The following CEP162 variants were observed in gnomAD, a reference collection of about 807,000 sequenced individuals.
The protein encoded by CEP162 is centrosomal protein 162.
A neutral mutation model predicts 169.2 loss-of-function variants in CEP162; 141 were observed. That is an observed-to-expected ratio of 0.83 (90% CI 0.73 to 0.96). The LOEUF is 0.96. Among genes scored for constraint, CEP162 ranks in the 40% least tolerant of loss-of-function variants. The pLI is 0.00. For synonymous variants in CEP162, 540 were observed against 526.4 expected (o/e 1.03, Z -0.35); for missense variants, 1,600 against 1,587.2 (o/e 1.01, Z -0.14).
In CEP162 at chr6:84,143,440, T is replaced by G. The variant is rs568717895; in HGVS notation, c.3870+3247A>C. On this transcript the variant is annotated intron_variant, in intron 25 of 26. Coordinates refer to ENST00000403245, the MANE Select transcript of CEP162 (RefSeq NM_014895.4). ...ACTACTAAAGATAAGGGAAACAACT[T>G]TGTATGCAAAATATACAAGGAAAAT... is the stretch of plus-strand genomic sequence containing the variant. 2.0e-5 allele frequency among the ~76,000 whole-genome samples: 3 copies of G among 152,140 alleles called. No homozygotes were observed. In the East Asian group the frequency reaches 5.8e-4, roughly 29 times the overall value.
At chr6:84,132,406 G>T (rs1475722374) in intron 25 of CEP162, among the ~76,000 whole-genome samples, 2 of 152,172 alleles carry the variant, frequency 1.3e-5, no homozygotes, top group Non-Finnish European at 2.9e-5. Flanking sequence ...CTAGGCTGGG[G>T]AAGTTCTCCT....
Position 84,161,864 on chromosome 6 carries a change from T to C in CEP162, c.2558A>G (p.Gln853Arg), listed in dbSNP as rs1401393821. Residue 853 changes from glutamine (Q) to arginine (R), a missense_variant, in exon 20 of 27, where the codon CAA becomes CGA. Transcript: ENST00000403245. ...TCTTTTTTGCAGACGACTGATTTCT[T>C]GTTTATGTGTTTCTTCTAAAATTTT... ...EIKILEETHKQEISRLQKRLQ... is the reference protein window; with the variant it reads ...EIKILEETHKREISRLQKRLQ... 2 of 1,570,940 alleles carry C rather than the reference T, an allele frequency of 1.3e-6. No homozygotes were observed. Among genetic ancestry groups the C allele is most frequent in the South Asian group, 1.2e-5 (1 of 85,800 alleles).
At position 84,174,714 on chromosome 6, in the gene CEP162, A is replaced by C. The variant is rs1588794540; in HGVS notation, c.2025+13T>G. 8.5e-7 allele frequency: 1 copy of C among 1,175,408 alleles called. No individual in the cohort carries two copies. The highest frequency in any genetic ancestry group is 2.6e-5 in the East Asian group (1 of 39,144). The allele number at this position is 1,175,408 out of a possible 1,614,324, so 72.8% of individuals were successfully genotyped here. ...ATAAATATAAAAAAATACCAGAACA[A>C]TGTATCTAGTACCTTGGCTTGAAGA... On this transcript the variant is annotated intron_variant, in intron 15 of 26. Transcript: ENST00000403245.
intron 23 of CEP162, among the ~76,000 whole-genome samples, chr6:84,151,312 G>A (rs1003651587): frequency 2.0e-5 from 3 of 152,022 alleles, no homozygotes; most frequent in Non-Finnish European, 4.4e-5. Context: ...TGGGAAAATT[G>A]TATAATGGCA....
rs552071568 is a variant in CEP162, at chr6:84,185,519, T to C, written c.1402-71A>G. The stretch of plus-strand genomic sequence containing the variant: ...ACTATTGTTGTAAATGAATATTTAA[T>C]AGATGGCAAAACAATAGTGATTATC... On this transcript the variant is annotated intron_variant, in intron 12 of 26. Coordinates refer to ENST00000403245, the MANE Select transcript of CEP162 (RefSeq NM_014895.4). The C allele has an allele frequency of 7.9e-5, 103 of 1,307,094 alleles. No homozygotes were observed. The African/African-American group carries it at 1.5e-3, about 19-fold the overall frequency. 81.0% of individuals were successfully genotyped at this position (1,307,094 alleles called of 1,614,324 possible). A position where few individuals can be genotyped will look rare whatever the true frequency, so the allele number is the denominator to read the frequency against.
chr6:84,221,015 T>C, intron 3 of CEP162, 42 bp downstream of exon 3: 3 of 1,048,474 alleles, frequency 2.9e-6, no homozygotes, highest in Non-Finnish European at 3.0e-6. Flanking sequence ...GACTGACCCC[T>C]TGTGGTCAAA....
chr6:84,207,898 T>G (rs1008727639), intron 6 of CEP162, among the ~76,000 whole-genome samples: 9 of 152,202 alleles, frequency 5.9e-5, no homozygotes, highest in African/African-American at 2.2e-4. Flanking sequence ...ACCTTTAAAA[T>G]AAGACTTTAA....
At chr6:84,204,389 C>T (rs2099545904) in intron 6 of CEP162, among the ~76,000 whole-genome samples, 1 of 152,174 alleles carries the variant, frequency 6.6e-6, no homozygotes, top group African/African-American at 2.4e-5. Flanking sequence ...TCTCAGACCA[C>T]AGTGCAATCA....
intron 11 of CEP162, among the ~76,000 whole-genome samples, chr6:84,190,315 A>C (rs2099539297): frequency 6.6e-6 from 1 of 152,126 alleles, no homozygotes; most frequent in South Asian, 2.1e-4. Flanking sequence ...GCCCTGACAA[A>C]ACAGGCCACT....
At chr6:84,163,433 G>T (rs2099526527) in intron 18 of CEP162, among the ~76,000 whole-genome samples, 163 bp from the exon 19 acceptor site, 1 of 151,944 alleles carries the variant, frequency 6.6e-6, no homozygotes, top group Non-Finnish European at 1.5e-5. Flanking sequence ...ATTTTTAATG[G>T]CATGCAATAG....
At chr6:84,140,668 G>A (rs2099516198) in intron 25 of CEP162, among the ~76,000 whole-genome samples, 1 of 152,016 alleles carries the variant, frequency 6.6e-6, no homozygotes, top group African/African-American at 2.4e-5. Context: ...TGGGACTACA[G>A]GCGCATGTTA....
chr6:84,140,161 CACAAGTG>C (rs2099515959), intron 25 of CEP162, among the ~76,000 whole-genome samples: 1 of 152,254 alleles, frequency 6.6e-6, no homozygotes, highest in African/African-American at 2.4e-5. Context: ...GAACCCAAGA[CACAAGTG>C]ACAAGTGGTG....
intron 1 of CEP162, 105 bp from the exon 2 acceptor site, chr6:84,226,557 A>AT (rs1347831818): frequency 7.2e-5 from 43 of 593,362 alleles, no homozygotes; most frequent in Non-Finnish European, 9.5e-5. Flanking sequence ...TATATGCACA[A>AT]TTTTTTTTAA....
chr6:84,125,651 G>A (rs1338395313), intron 26 of CEP162, among the ~76,000 whole-genome samples: 11 of 151,978 alleles, frequency 7.2e-5, no homozygotes, highest in Non-Finnish European at 1.5e-4. Flanking sequence ...GTGATCTCTC[G>A]CCCCTCTTCC....
At chr6:84,208,616 A>C (rs1170673331) in intron 6 of CEP162, among the ~76,000 whole-genome samples, 3 of 152,238 alleles carry the variant, frequency 2.0e-5, no homozygotes, top group Admixed American at 1.3e-4. Flanking sequence ...GGCTACAGAA[A>C]CATCTACATT....
At chr6:84,168,271 G>A (rs927030254) in intron 18 of CEP162, among the ~76,000 whole-genome samples, 7 of 152,020 alleles carry the variant, frequency 4.6e-5, no homozygotes. Context: ...AGGAGGGGTC[G>A]TCCAATAATT....
At chr6:84,134,842 T>A (rs2099513229) in intron 25 of CEP162, among the ~76,000 whole-genome samples, 1 of 147,606 alleles carries the variant, frequency 6.8e-6, no homozygotes, top group Non-Finnish European at 1.5e-5. Flanking sequence ...TAAATAATTA[T>A]ATTATAATGC....
At chr6:84,139,007 A>C (rs1465736623) in intron 25 of CEP162, among the ~76,000 whole-genome samples, 1 of 152,218 alleles carries the variant, frequency 6.6e-6, no homozygotes. Flanking sequence ...TGTGAGACTT[A>C]AATCCTTCAA....
chr6:84,177,983 G>A (rs2099533086), intron 13 of CEP162, among the ~76,000 whole-genome samples: 1 of 152,140 alleles, frequency 6.6e-6, no homozygotes, highest in South Asian at 2.1e-4. Flanking sequence ...CAAAGTAAAG[G>A]CACTTAATAA....
Sources: allele counts gnomAD v4.1 joint callset (sites outside exome capture counted in the v4.1 genomes callset), GRCh38; gene constraint gnomAD v4.1.1; transcripts MANE v1.5; gene names NCBI Gene and HGNC (gene_info 2026-07-23, HGNC 2026-07-21).